TRIQK: variants seen among roughly 807,000 people sequenced by gnomAD.
TRIQK encodes triple QxxK/R motif containing, also known as triple QxxK/R motif-containing protein.
In TRIQK, 10 loss-of-function variants were observed where a neutral mutation model predicts 10.8. That is an observed-to-expected ratio of 0.92 (90% confidence interval 0.57 to 1.57). The LOEUF (loss-of-function observed/expected upper bound fraction) is 1.57, where lower values mean the gene tolerates loss of function less well. Ranked by LOEUF, TRIQK falls within the 40% of genes most tolerant of loss-of-function variation. The probability of loss-of-function intolerance (pLI) is 0.00; values close to 1 mark genes in which losing one functional copy is unlikely to be tolerated. For missense variants in TRIQK, 107 were observed against 97.7 expected, an observed-to-expected ratio of 1.09 and a Z score of -0.40; for synonymous variants, 33 against 33.7, an observed-to-expected ratio of 0.98 and a Z score of 0.07.
At chr8:92,938,298 A>G (rs1811095644) in intron 2 of TRIQK, among the ~76,000 whole-genome samples, 1 of 152,072 alleles carries the variant, frequency 6.6e-6, no homozygotes, top group Non-Finnish European at 1.5e-5. Flanking sequence ...GAGGTGTACA[A>G]CATGATTGGA....
At chr8:92,988,153 G>A (rs1813056720) in intron 1 of TRIQK, among the ~76,000 whole-genome samples, 1 of 151,480 alleles carries the variant, frequency 6.6e-6, no homozygotes, top group Non-Finnish European at 1.5e-5. Flanking sequence ...TGGGACTACA[G>A]GCGCCCACCA....
upstream of TRIQK, among the ~76,000 whole-genome samples, chr8:92,968,753 C>A (rs1324097941): frequency 2.0e-5 from 3 of 152,050 alleles, no homozygotes; most frequent in African/African-American, 7.2e-5. Flanking sequence ...CTGTAGGTTG[C>A]CTGTTTACTC....
intron 1 of TRIQK, among the ~76,000 whole-genome samples, chr8:92,956,114 T>C (rs1345388098): frequency 6.6e-6 from 1 of 151,774 alleles, no homozygotes; most frequent in Admixed American, 6.6e-5. Flanking sequence ...CGAATGTTCA[T>C]AGCAGCATTA....
chr8:92,925,444 A>T (rs1243766337), intron 2 of TRIQK, among the ~76,000 whole-genome samples: 1 of 152,170 alleles, frequency 6.6e-6, no homozygotes, highest in African/African-American at 2.4e-5. Flanking sequence ...ATAAGAAAAT[A>T]GGTTATTACA....
chr8:92,943,669 T>G (rs1161970973), intron 2 of TRIQK, among the ~76,000 whole-genome samples: 2 of 152,066 alleles, frequency 1.3e-5, no homozygotes, highest in Non-Finnish European at 2.9e-5. Context: ...ATACAAAAAT[T>G]AAACAAAATG....
chr8:92,918,782 C>A (rs115437132), intron 2 of TRIQK, among the ~76,000 whole-genome samples: 1 of 151,094 alleles, frequency 6.6e-6, no homozygotes, highest in African/African-American at 2.4e-5. Context: ...CTTACCCCCC[C>A]CCACAATTTT....
chr8:92,944,492 A>G (rs1811421711), intron 2 of TRIQK, among the ~76,000 whole-genome samples: 1 of 152,162 alleles, frequency 6.6e-6, no homozygotes, highest in South Asian at 2.1e-4. Context: ...GATAAATAAA[A>G]TGAAGCATAT....
chr8:92,956,570 A>C (rs2130691497), intron 1 of TRIQK, among the ~76,000 whole-genome samples: 1 of 152,004 alleles, frequency 6.6e-6, no homozygotes, highest in Admixed American at 6.6e-5. Context: ...TTAAAATACA[A>C]GTGTCATAAA....
chr8:93,010,097 T>G (rs1813316682), intron 1 of TRIQK, among the ~76,000 whole-genome samples: 1 of 152,076 alleles, frequency 6.6e-6, no homozygotes, highest in African/African-American at 2.4e-5. Flanking sequence ...ACAGTGGTTA[T>G]CAGAGACTGG....
At chr8:92,948,892 G>A (rs1447127211) in intron 2 of TRIQK, among the ~76,000 whole-genome samples, 1 of 152,136 alleles carries the variant, frequency 6.6e-6, no homozygotes, top group Non-Finnish European at 1.5e-5. Context: ...TGACCTAATG[G>A]TTTCTCTGTG....
chr8:92,950,152 T>A (rs1368781319), intron 2 of TRIQK, among the ~76,000 whole-genome samples: 1 of 152,196 alleles, frequency 6.6e-6, no homozygotes, highest in Non-Finnish European at 1.5e-5. Flanking sequence ...TGTTCACACA[T>A]GTTTGAAACT....
intron 1 of TRIQK, chr8:92,963,417 A>T (rs1417006198): frequency 6.6e-6 from 1 of 152,056 alleles, no homozygotes; most frequent in Non-Finnish European, 1.5e-5. Context: ...AACAACCACA[A>T]TTCTTTTTAG....
At chr8:92,894,623 A>G (rs575634754) in intron 3 of TRIQK, among the ~76,000 whole-genome samples, 1 of 152,252 alleles carries the variant, frequency 6.6e-6, no homozygotes, top group Middle Eastern at 3.4e-3. Flanking sequence ...TATGAAGCCA[A>G]TCTGGGGCCT....
chr8:92,895,177 C>T (rs1319067314), intron 3 of TRIQK, among the ~76,000 whole-genome samples: 2 of 152,230 alleles, frequency 1.3e-5, no homozygotes, highest in Non-Finnish European at 2.9e-5. Context: ...CTTCTGCCTT[C>T]CACCATGGGA....
At chr8:92,980,046 G>T (rs1360757387) in intron 1 of TRIQK, among the ~76,000 whole-genome samples, 3 of 151,982 alleles carry the variant, frequency 2.0e-5, no homozygotes, top group Admixed American at 6.6e-5. Context: ...AAATTAGAAA[G>T]ATTTATAATG....
chr8:93,016,534 T>C (rs1813385486), intron 1 of TRIQK, among the ~76,000 whole-genome samples: 1 of 152,264 alleles, frequency 6.6e-6, no homozygotes, highest in South Asian at 2.1e-4. Flanking sequence ...TTTACAAAGT[T>C]TGTTCCACAA....
At chr8:92,934,248 G>A (rs923376968) in intron 2 of TRIQK, among the ~76,000 whole-genome samples, 2 of 151,966 alleles carry the variant, frequency 1.3e-5, no homozygotes, top group South Asian at 2.1e-4. Flanking sequence ...AGATGACATT[G>A]ACAAAGTCAA....
chr8:92,991,677 T>G (rs972893799), intron 1 of TRIQK, among the ~76,000 whole-genome samples: 5 of 151,964 alleles, frequency 3.3e-5, no homozygotes, highest in Non-Finnish European at 7.4e-5. Context: ...AAGAAAGAAA[T>G]AAAGCGTATT....
intron 1 of TRIQK, chr8:92,965,155 GCA>G (rs1393767051): frequency 6.6e-6 from 1 of 152,092 alleles, no homozygotes; most frequent in Admixed American, 6.6e-5. Flanking sequence ...TACAGGTTTA[GCA>G]CACCTCTCCA....
Sources: allele counts gnomAD v4.1 joint callset (sites outside exome capture counted in the v4.1 genomes callset), GRCh38; gene constraint gnomAD v4.1.1; transcripts MANE v1.5; gene names NCBI Gene and HGNC (gene_info 2026-07-23, HGNC 2026-07-21).